Variants in DAAM1 observed in about 807,000 individuals in gnomAD.
The protein encoded by DAAM1 is disheveled-associated activator of morphogenesis 1.
Under a neutral mutation model 130.0 loss-of-function variants are expected in DAAM1, and 52 were observed. The observed-to-expected ratio is 0.40, with a 90% CI of 0.32 to 0.50. The LOEUF is 0.50. Among genes scored for constraint, DAAM1 ranks in the 20% least tolerant of loss-of-function variants. The probability of loss-of-function intolerance (pLI) is 0.61; values close to 1 mark genes in which losing one functional copy is unlikely to be tolerated. For missense variants in DAAM1, 1,134 were observed against 1,303.8 expected (o/e 0.87, Z 2.01); for synonymous variants, 452 against 444.5 (o/e 1.02, Z -0.21).
At position 59,325,926 on chromosome 14, in the gene DAAM1, A is replaced by G. The variant is rs1032366847; in HGVS notation, c.1057-34A>G. The G allele has an allele frequency of 3.1e-6, 5 of 1,596,406 alleles. No individual in the cohort carries two copies. In the African/African-American group the frequency reaches 6.7e-5, roughly 21 times the overall value. On this transcript the variant is annotated intron_variant, in intron 9 of 24. Transcript: ENST00000360909. ...ACACTGGGGAAACTGAGGAACTTAG[A>G]TGTTTGATTTGATTTCTTTTTCCTG...
intron 1 of DAAM1, among the ~76,000 whole-genome samples, chr14:59,200,958 G>A (rs1566645943): frequency 6.6e-6 from 1 of 151,950 alleles, no homozygotes; most frequent in East Asian, 1.9e-4. Context: ...TCAGGAGATC[G>A]AGACCATCCT....
At chr14:59,316,037 G>A (rs76121695) in intron 4 of DAAM1, among the ~76,000 whole-genome samples, 2,651 of 152,214 alleles carry the variant, frequency 0.017, 24 homozygotes, top group Non-Finnish European at 0.026. Context: ...ATTCATCACA[G>A]CTAAAATTCA....
chr14:59,205,982 G>A (rs1888244212), intron 1 of DAAM1, among the ~76,000 whole-genome samples: 1 of 152,072 alleles, frequency 6.6e-6, no homozygotes, highest in Non-Finnish European at 1.5e-5. Context: ...TCCCACCTCA[G>A]CCTCCTGAGT....
intron 1 of DAAM1, among the ~76,000 whole-genome samples, chr14:59,202,719 G>T (rs532028771): frequency 6.6e-6 from 1 of 152,116 alleles, no homozygotes; most frequent in Admixed American, 6.5e-5. Flanking sequence ...TGCTCTTTGC[G>T]TTCCCTGGCA....
chr14:59,310,992 T>C (rs554843807), intron 3 of DAAM1, among the ~76,000 whole-genome samples: 1 of 152,152 alleles, frequency 6.6e-6, no homozygotes, highest in African/African-American at 2.4e-5. Context: ...ACAAAAAAAC[T>C]CTGACATACT....
At chr14:59,338,479 T>G (rs1284831203) in intron 15 of DAAM1, 1 of 1,565,684 alleles carries the variant, frequency 6.4e-7, no homozygotes, top group South Asian at 1.1e-5. Context: ...GCTTGAAATC[T>G]CTTCGTTATC....
At chr14:59,261,322 C>T (rs1005217244) in intron 1 of DAAM1, among the ~76,000 whole-genome samples, 2 of 152,190 alleles carry the variant, frequency 1.3e-5, no homozygotes, top group African/African-American at 2.4e-5. Flanking sequence ...TACTGTCTCT[C>T]ACTAGATTAT....
At chr14:59,322,838 G>T in intron 5 of DAAM1, 54 bp from the exon 6 acceptor site, 2 of 1,420,240 alleles carry the variant, frequency 1.4e-6, no homozygotes, top group Non-Finnish European at 1.9e-6. Flanking sequence ...TTCTGTTAGG[G>T]GCTATTATAA....
intron 15 of DAAM1, chr14:59,338,324 C>T: frequency 1.0e-5 from 16 of 1,558,046 alleles, no homozygotes; most frequent in Non-Finnish European, 1.3e-5. Context: ...CCATTTGTTG[C>T]TGTGACTTCT....
chr14:59,345,158 G>A (rs1420871185), intron 16 of DAAM1, among the ~76,000 whole-genome samples: 1 of 152,138 alleles, frequency 6.6e-6, no homozygotes, highest in Non-Finnish European at 1.5e-5. Flanking sequence ...CCCTGATGCT[G>A]CGAGTCGGTT....
At chr14:59,272,460 C>T (rs1424372992) in intron 2 of DAAM1, among the ~76,000 whole-genome samples, 2 of 152,068 alleles carry the variant, frequency 1.3e-5, no homozygotes, top group African/African-American at 4.8e-5. Context: ...CCTGTAACCC[C>T]AGCTACTTAG....
At chr14:59,223,344 T>C (rs1448113927) in intron 1 of DAAM1, among the ~76,000 whole-genome samples, 1 of 152,238 alleles carries the variant, frequency 6.6e-6, no homozygotes, top group Admixed American at 6.5e-5. Context: ...GGTAACTTGG[T>C]AGCCCATGAT....
intron 19 of DAAM1, 24 bp from the exon 20 acceptor site, chr14:59,355,141 G>A: frequency 1.9e-6 from 3 of 1,598,810 alleles, no homozygotes; most frequent in Non-Finnish European, 2.6e-6. Context: ...TGGTAATCAT[G>A]TTTTTATGTG....
intron 1 of DAAM1, among the ~76,000 whole-genome samples, chr14:59,212,351 G>A (rs572722319): frequency 2.0e-5 from 3 of 152,142 alleles, no homozygotes; most frequent in Admixed American, 2.0e-4. Context: ...TATACTATCA[G>A]TTGTCACAAG....
intron 1 of DAAM1, among the ~76,000 whole-genome samples, chr14:59,230,800 T>C (rs982677221): frequency 6.6e-6 from 1 of 152,160 alleles, no homozygotes; most frequent in Non-Finnish European, 1.5e-5. Context: ...CTTCATGATG[T>C]GATTATTTCA....
At chr14:59,209,485 A>C (rs1888363534) in intron 1 of DAAM1, among the ~76,000 whole-genome samples, 1 of 152,196 alleles carries the variant, frequency 6.6e-6, no homozygotes, top group South Asian at 2.1e-4. Flanking sequence ...TGATATTACC[A>C]CTGTGGGAAA....
At chr14:59,196,487 T>A (rs930133234) in intron 1 of DAAM1, among the ~76,000 whole-genome samples, 1 of 152,204 alleles carries the variant, frequency 6.6e-6, no homozygotes, top group Non-Finnish European at 1.5e-5. Flanking sequence ...CTCACGCCTG[T>A]AATCCCAGCA....
intron 2 of DAAM1, among the ~76,000 whole-genome samples, chr14:59,270,662 G>A (rs1047170573): frequency 2.0e-5 from 3 of 152,112 alleles, no homozygotes; most frequent in Non-Finnish European, 4.4e-5. Context: ...CACCTCCTCT[G>A]GCTACTTTAA....
At chr14:59,252,853 C>G (rs1881708945) in intron 1 of DAAM1, among the ~76,000 whole-genome samples, 1 of 152,184 alleles carries the variant, frequency 6.6e-6, no homozygotes, top group African/African-American at 2.4e-5. Context: ...TAGACTATGC[C>G]TGTGAACAGT....
Sources: allele counts gnomAD v4.1 joint callset (sites outside exome capture counted in the v4.1 genomes callset), GRCh38; gene constraint gnomAD v4.1.1; transcripts MANE v1.5; gene names NCBI Gene and HGNC (gene_info 2026-07-23, HGNC 2026-07-21).